The following MYRIP variants were observed in gnomAD, a reference collection of about 807,000 sequenced individuals.
MYRIP encodes rab effector MyRIP.
A neutral mutation model predicts 98.0 loss-of-function variants in MYRIP; 49 were observed. The observed-to-expected ratio is 0.50, with a 90% CI of 0.40 to 0.63. The LOEUF is 0.63. Among genes scored for constraint, MYRIP ranks in the 30% least tolerant of loss-of-function variants. The pLI is 0.00. For missense variants in MYRIP, 1,004 were observed against 1,058.2 expected, an observed-to-expected ratio of 0.95 and a Z score of 0.71; for synonymous variants, 404 against 409.5, an observed-to-expected ratio of 0.99 and a Z score of 0.16.
At chr3:39,959,015 A>T (rs1439072232) in intron 2 of MYRIP, among the ~76,000 whole-genome samples, 1 of 152,154 alleles carries the variant, frequency 6.6e-6, no homozygotes, top group Non-Finnish European at 1.5e-5. Context: ...ATCATTAAAA[A>T]GTCAGGAAAC....
At chr3:39,981,014 ATACATT>A (rs1945880679) in intron 2 of MYRIP, among the ~76,000 whole-genome samples, 2 of 152,180 alleles carry the variant, frequency 1.3e-5, no homozygotes, top group Admixed American at 1.3e-4. Flanking sequence ...CCTCAGAACT[ATACATT>A]TAAAAACAGT....
In MYRIP at chr3:40,103,789, A is replaced by G. The variant is rs536036934; in HGVS notation, c.333-47259A>G. Among the ~76,000 whole-genome samples the G allele has an allele frequency of 3.3e-5, 5 of 152,328 alleles. No homozygotes were observed. In the East Asian group the frequency reaches 9.6e-4, roughly 29 times the overall value. ...AAAGAGAAAAAAAAACTCTGGCTAC[A>G]GAAGAACAGGTAATAAATTAGGAAA... On this transcript the variant is annotated intron_variant, in intron 3 of 16. Transcript: ENST00000302541.
At chr3:39,965,282 ACCATTTTCTGGTAG>A (rs1318573172) in intron 2 of MYRIP, among the ~76,000 whole-genome samples, 1 of 152,070 alleles carries the variant, frequency 6.6e-6, no homozygotes, top group African/African-American at 2.4e-5. Flanking sequence ...ATTCCTTAAG[ACCATTTTCTGGTAG>A]CCATGTAACT....
At chr3:40,143,508 A>G (rs1449872654) in intron 3 of MYRIP, among the ~76,000 whole-genome samples, 1 of 152,212 alleles carries the variant, frequency 6.6e-6, no homozygotes, top group East Asian at 1.9e-4. Context: ...AAAATCAGTA[A>G]TATCAAATGA....
intron 1 of MYRIP, among the ~76,000 whole-genome samples, chr3:39,899,032 T>G (rs1943682885): frequency 6.6e-6 from 1 of 152,130 alleles, no homozygotes; most frequent in Non-Finnish European, 1.5e-5. Flanking sequence ...GTCTCTCTAA[T>G]GAGATGGAAT....
At chr3:40,236,661 G>T (rs1467356743) in intron 12 of MYRIP, among the ~76,000 whole-genome samples, 1 of 152,206 alleles carries the variant, frequency 6.6e-6, no homozygotes, top group Non-Finnish European at 1.5e-5. Context: ...CCAGACCAAG[G>T]GTGACACTGA....
chr3:40,037,793 A>G (rs1425442079), intron 2 of MYRIP, among the ~76,000 whole-genome samples: 1 of 152,232 alleles, frequency 6.6e-6, no homozygotes, highest in East Asian at 1.9e-4. Context: ...AACCATTTAC[A>G]TCATTGCCTA....
chr3:40,083,489 T>C (rs1948525883), intron 3 of MYRIP, among the ~76,000 whole-genome samples: 1 of 152,194 alleles, frequency 6.6e-6, no homozygotes, highest in Admixed American at 6.5e-5. Flanking sequence ...AAGCATAGTA[T>C]AGGTGGTAAG....
At chr3:39,835,774 T>C (rs1941600916) in intron 1 of MYRIP, among the ~76,000 whole-genome samples, 1 of 152,104 alleles carries the variant, frequency 6.6e-6, no homozygotes, top group African/African-American at 2.4e-5. Context: ...CCCCAGTGTG[T>C]GATATTCCCC....
chr3:40,248,885 G>T (rs1953284693), intron 13 of MYRIP, among the ~76,000 whole-genome samples: 1 of 152,214 alleles, frequency 6.6e-6, no homozygotes, highest in Admixed American at 6.5e-5. Context: ...GACTCAAGTG[G>T]TGCCTTCTGG....
intron 2 of MYRIP, 119 bp from the exon 3 acceptor site, chr3:40,043,931 A>G (rs1947606010): frequency 1.3e-6 from 1 of 746,170 alleles, no homozygotes; most frequent in Admixed American, 2.7e-5. Flanking sequence ...GTTCTCCAGG[A>G]AGGTCCTACA....
intron 2 of MYRIP, among the ~76,000 whole-genome samples, chr3:39,904,310 G>A (rs1034622291): frequency 6.7e-4 from 102 of 152,082 alleles, no homozygotes; most frequent in African/African-American, 2.4e-3. Flanking sequence ...GCAGTGGCAC[G>A]ATGCAACCTC....
intron 3 of MYRIP, among the ~76,000 whole-genome samples, chr3:40,103,936 T>C (rs967032563): frequency 6.6e-6 from 1 of 152,242 alleles, no homozygotes; most frequent in Non-Finnish European, 1.5e-5. Context: ...CAGTATGCCA[T>C]CAATATGGTA....
intron 2 of MYRIP, among the ~76,000 whole-genome samples, chr3:39,978,942 C>T (rs1945818718): frequency 6.6e-6 from 1 of 151,882 alleles, no homozygotes; most frequent in South Asian, 2.1e-4. Context: ...TTTCTTATTA[C>T]CTCCACTTTT....
At chr3:39,817,303 G>A (rs1940953728) in intron 1 of MYRIP, among the ~76,000 whole-genome samples, 1 of 152,102 alleles carries the variant, frequency 6.6e-6, no homozygotes, top group African/African-American at 2.4e-5. Context: ...AATAAGGAGA[G>A]GTCCTTTTGA....
intron 2 of MYRIP, among the ~76,000 whole-genome samples, chr3:40,022,524 C>A (rs1161890364): frequency 6.6e-6 from 1 of 152,158 alleles, no homozygotes; most frequent in Non-Finnish European, 1.5e-5. Flanking sequence ...GAGTCATCAT[C>A]AAATGGCTCT....
intron 11 of MYRIP, among the ~76,000 whole-genome samples, chr3:40,229,277 A>C (rs1382826276): frequency 2.0e-5 from 3 of 152,226 alleles, no homozygotes; most frequent in Non-Finnish European, 4.4e-5. Context: ...AAGCATATAA[A>C]CACAAGACAG....
intron 1 of MYRIP, among the ~76,000 whole-genome samples, chr3:39,885,167 C>A (rs1029372293): frequency 1.3e-5 from 2 of 151,694 alleles, no homozygotes; most frequent in African/African-American, 4.8e-5. Flanking sequence ...ATTTATAGTT[C>A]TTTTTGTGAA....
At chr3:40,068,933 A>G (rs746003139) in intron 3 of MYRIP, among the ~76,000 whole-genome samples, 1 of 152,204 alleles carries the variant, frequency 6.6e-6, no homozygotes, top group Non-Finnish European at 1.5e-5. Flanking sequence ...GCTTGAAAAC[A>G]CTGCTCTGCG....
Sources: allele counts gnomAD v4.1 joint callset (sites outside exome capture counted in the v4.1 genomes callset), GRCh38; gene constraint gnomAD v4.1.1; transcripts MANE v1.5; gene names NCBI Gene and HGNC (gene_info 2026-07-23, HGNC 2026-07-21).